SNTG1: variants seen among roughly 807,000 people sequenced by gnomAD.
SNTG1 encodes the protein gamma-1-syntrophin.
Under a neutral mutation model 74.7 loss-of-function variants are expected in SNTG1, and 39 were observed. The ratio of observed to expected loss-of-function variants is 0.52; its 90% CI spans 0.40 to 0.68. SNTG1 has a LOEUF of 0.68. Among genes scored for constraint, SNTG1 ranks in the 30% least tolerant of loss-of-function variants. The pLI is 0.00. For synonymous variants in SNTG1, 254 were observed against 217.1 expected (o/e 1.17, Z -1.49); for missense variants, 685 against 609.5 (o/e 1.12, Z -1.30).
intron 17 of SNTG1, among the ~76,000 whole-genome samples, chr8:50,743,807 A>T (rs1039038857): frequency 6.6e-6 from 1 of 151,992 alleles, no homozygotes; most frequent in African/African-American, 2.4e-5. Context: ...AGACTGGGTA[A>T]TTCATAAAGG....
At chr8:50,475,743 A>C (rs2093692266) in intron 8 of SNTG1, among the ~76,000 whole-genome samples, 1 of 152,216 alleles carries the variant, frequency 6.6e-6, no homozygotes, top group Admixed American at 6.5e-5. Flanking sequence ...AAAAAAAATC[A>C]TTTTAGAAGT....
intron 1 of SNTG1, among the ~76,000 whole-genome samples, chr8:50,041,250 A>G (rs548669880): frequency 2.0e-5 from 3 of 152,184 alleles, no homozygotes; most frequent in Non-Finnish European, 4.4e-5. Flanking sequence ...TTGAAATTCA[A>G]CAAACAAAAG....
chr8:50,554,360 C>G (rs367769857), intron 12 of SNTG1, among the ~76,000 whole-genome samples: 2 of 152,090 alleles, frequency 1.3e-5, no homozygotes, highest in African/African-American at 4.8e-5. Flanking sequence ...ACCCCTCACT[C>G]TTGGTGGATG....
At chr8:50,082,518 T>G (rs570246506) in intron 1 of SNTG1, among the ~76,000 whole-genome samples, 1 of 152,186 alleles carries the variant, frequency 6.6e-6, no homozygotes, top group Non-Finnish European at 1.5e-5. Context: ...CTTGTTTTTA[T>G]TTTTAAGTCT....
At chr8:50,525,505 C>T (rs988296502) in intron 9 of SNTG1, among the ~76,000 whole-genome samples, 6 of 152,018 alleles carry the variant, frequency 3.9e-5, no homozygotes, top group African/African-American at 1.4e-4. Context: ...TATAAAGTGT[C>T]TATTGGTCTG....
intron 1 of SNTG1, among the ~76,000 whole-genome samples, chr8:49,976,608 T>A (rs1014819860): frequency 1.1e-4 from 16 of 152,208 alleles, no homozygotes; most frequent in African/African-American, 3.9e-4. Context: ...CAGGGAAGCC[T>A]ACTCTGAGGA....
intron 8 of SNTG1, among the ~76,000 whole-genome samples, chr8:50,453,299 A>C (rs545094546): frequency 6.6e-6 from 1 of 152,272 alleles, no homozygotes; most frequent in African/African-American, 2.4e-5. Flanking sequence ...AAATGCCTAG[A>C]ATTAGATCAT....
intron 1 of SNTG1, among the ~76,000 whole-genome samples, chr8:50,077,902 T>C (rs992678690): frequency 5.3e-5 from 8 of 152,194 alleles, no homozygotes; most frequent in African/African-American, 1.7e-4. Flanking sequence ...AGGTCTTTGA[T>C]TAAATTGAGT....
intron 8 of SNTG1, among the ~76,000 whole-genome samples, chr8:50,467,514 G>C (rs1048536162): frequency 6.6e-6 from 1 of 151,606 alleles, no homozygotes; most frequent in Non-Finnish European, 1.5e-5. Flanking sequence ...CTGGTAATTT[G>C]TATCTTTCTC....
chr8:50,091,287 T>G (rs2079727139), intron 1 of SNTG1, among the ~76,000 whole-genome samples: 1 of 152,058 alleles, frequency 6.6e-6, no homozygotes, highest in African/African-American at 2.4e-5. Context: ...TTTTTTTTCT[T>G]TTTAATGTTT....
chr8:50,100,577 C>A (rs2080085525), intron 1 of SNTG1, among the ~76,000 whole-genome samples: 1 of 151,948 alleles, frequency 6.6e-6, no homozygotes, highest in African/African-American at 2.4e-5. Context: ...AGGACATATT[C>A]CTTCAAATAT....
chr8:50,267,402 A>G (rs1327435418), intron 2 of SNTG1, among the ~76,000 whole-genome samples: 1 of 152,224 alleles, frequency 6.6e-6, no homozygotes, highest in Non-Finnish European at 1.5e-5. Flanking sequence ...AAATATACAC[A>G]TGAGAAGATA....
chr8:50,678,647 T>C (rs1287633690), intron 15 of SNTG1, among the ~76,000 whole-genome samples: 1 of 152,126 alleles, frequency 6.6e-6, no homozygotes, highest in Non-Finnish European at 1.5e-5. Context: ...CCATACATGA[T>C]TGAAGGAATG....
intron 3 of SNTG1, among the ~76,000 whole-genome samples, chr8:50,394,505 T>C (rs1352959712): frequency 6.6e-6 from 1 of 152,138 alleles, no homozygotes; most frequent in Non-Finnish European, 1.5e-5. Context: ...TATAATTGAG[T>C]TGCTCCTCTT....
intron 18 of SNTG1, among the ~76,000 whole-genome samples, chr8:50,752,626 G>A (rs544589758): frequency 6.6e-6 from 1 of 151,920 alleles, no homozygotes; most frequent in East Asian, 1.9e-4. Context: ...AAATAACAAA[G>A]TGAAAAAATT....
At chr8:50,277,287 A>T (rs1586931869) in intron 2 of SNTG1, among the ~76,000 whole-genome samples, 1 of 141,060 alleles carries the variant, frequency 7.1e-6, no homozygotes, top group Non-Finnish European at 1.6e-5. Flanking sequence ...AAAAAAAATG[A>T]GTTTGTCTTT....
intron 2 of SNTG1, among the ~76,000 whole-genome samples, chr8:50,368,127 T>C (rs895086168): frequency 1.1e-4 from 17 of 152,018 alleles, no homozygotes; most frequent in African/African-American, 3.9e-4. Flanking sequence ...AAATAGAATG[T>C]TTGTGGAAAT....
intron 1 of SNTG1, among the ~76,000 whole-genome samples, chr8:50,111,021 A>T (rs532662898): frequency 6.6e-6 from 1 of 152,320 alleles, no homozygotes; most frequent in Admixed American, 6.5e-5. Flanking sequence ...TCTACCTGCA[A>T]GTTGTAATGT....
intron 2 of SNTG1, among the ~76,000 whole-genome samples, chr8:50,193,263 G>A (rs2083642478): frequency 6.6e-6 from 1 of 152,046 alleles, no homozygotes; most frequent in Non-Finnish European, 1.5e-5. Context: ...TCACAACATT[G>A]TTTCTACCTA....
Sources: gnomAD v4.1 joint callset for allele counts (sites outside exome capture counted in the v4.1 genomes callset) on GRCh38, gnomAD v4.1.1 for gene constraint, MANE v1.5 for transcripts, NCBI Gene and HGNC (gene_info 2026-07-23, HGNC 2026-07-21) for gene names.